The following PPFIBP2 variants were observed in gnomAD, a reference collection of about 807,000 sequenced individuals.
PPFIBP2 encodes the protein PPFIB scaffold protein 2.
PPFIBP2 carries 118 observed loss-of-function variants against 118.3 expected under a neutral mutation model. That is an observed-to-expected ratio of 1.00 (90% CI 0.86 to 1.16). The LOEUF is 1.16. Ranked by LOEUF, PPFIBP2 falls within the 50% of genes most tolerant of loss-of-function variation. The pLI is 0.00. For missense variants in PPFIBP2, 1,195 were observed against 1,073.1 expected, an observed-to-expected ratio of 1.11 and a Z score of -1.59; for synonymous variants, 414 against 397.4, an observed-to-expected ratio of 1.04 and a Z score of -0.50.
intron 5 of PPFIBP2, among the ~76,000 whole-genome samples, chr11:7,604,546 T>TAC (rs1183879395): frequency 7.0e-6 from 1 of 142,530 alleles, no homozygotes; most frequent in African/African-American, 2.6e-5. Flanking sequence ...CACCCAGCCA[T>TAC]ACACACACAC....
chr11:7,621,669 A>C (rs1849375811), intron 7 of PPFIBP2, among the ~76,000 whole-genome samples: 1 of 152,212 alleles, frequency 6.6e-6, no homozygotes, highest in African/African-American at 2.4e-5. Context: ...TTTGGCCTGC[A>C]CATTGGATTT....
intron 5 of PPFIBP2, among the ~76,000 whole-genome samples, chr11:7,604,828 C>G (rs182280712): frequency 4.6e-5 from 7 of 152,220 alleles, no homozygotes; most frequent in Admixed American, 4.6e-4. Flanking sequence ...TACTCAAAGG[C>G]AGTACAGAAG....
chr11:7,540,758 C>T (rs1055851012), intron 1 of PPFIBP2, among the ~76,000 whole-genome samples: 1 of 152,182 alleles, frequency 6.6e-6, no homozygotes, highest in African/African-American at 2.4e-5. Context: ...TCATTCCTTT[C>T]CTTCAGGATG....
At chr11:7,568,487 T>A (rs191148190) in intron 3 of PPFIBP2, among the ~76,000 whole-genome samples, 314 of 152,294 alleles carry the variant, frequency 2.1e-3, no homozygotes, top group African/African-American at 7.3e-3. Flanking sequence ...GGAGGGAAAC[T>A]CTCTGCAACC....
At chr11:7,649,262 A>G in intron 20 of PPFIBP2, 27 bp downstream of exon 20, 1 of 1,590,198 alleles carries the variant, frequency 6.3e-7, no homozygotes, top group South Asian at 1.1e-5. Context: ...TAAATATTTC[A>G]GTTGTCCCTG....
At chr11:7,604,603 C>G (rs1462176305) in intron 5 of PPFIBP2, among the ~76,000 whole-genome samples, 1 of 152,072 alleles carries the variant, frequency 6.6e-6, no homozygotes, top group Non-Finnish European at 1.5e-5. Flanking sequence ...CACACACACC[C>G]CCACACCCAT....
chr11:7,536,996 G>A (rs1851286810), intron 1 of PPFIBP2, among the ~76,000 whole-genome samples: 2 of 152,264 alleles, frequency 1.3e-5, no homozygotes, highest in South Asian at 4.1e-4. Flanking sequence ...GGCAGACCAT[G>A]GTTATACTTG....
At chr11:7,527,391 G>A (rs1043268809) in intron 1 of PPFIBP2, among the ~76,000 whole-genome samples, 5 of 152,018 alleles carry the variant, frequency 3.3e-5, no homozygotes, top group African/African-American at 1.2e-4. Flanking sequence ...TGGCCCATTG[G>A]ATCTGGGGAA....
intron 2 of PPFIBP2, among the ~76,000 whole-genome samples, chr11:7,559,949 T>C (rs894487355): frequency 8.7e-5 from 13 of 149,938 alleles, no homozygotes; most frequent in Non-Finnish European, 1.3e-4. Flanking sequence ...AAGAGTGTTA[T>C]CTTTTTCAGC....
At chr11:7,577,737 G>T in intron 3 of PPFIBP2, 1 of 450,564 alleles carries the variant, frequency 2.2e-6, no homozygotes. Flanking sequence ...GTGGTAGGGG[G>T]AGGTATTGTC....
intron 10 of PPFIBP2, 25 bp downstream of exon 10, chr11:7,629,559 T>C: frequency 6.2e-7 from 1 of 1,608,984 alleles, no homozygotes; most frequent in Non-Finnish European, 8.5e-7. Flanking sequence ...GATCCTACCG[T>C]TGTCTCTGAA....
intron 17 of PPFIBP2, among the ~76,000 whole-genome samples, chr11:7,644,744 T>A (rs1291706840): frequency 6.6e-6 from 1 of 152,084 alleles, no homozygotes; most frequent in Non-Finnish European, 1.5e-5. Context: ...AAAGGTATTT[T>A]AGGCCGGGCG....
At chr11:7,652,341 T>A (rs111473933) in intron 23 of PPFIBP2, among the ~76,000 whole-genome samples, 3 of 152,298 alleles carry the variant, frequency 2.0e-5, no homozygotes, top group African/African-American at 7.2e-5. Flanking sequence ...GCACCAACAC[T>A]ACTCACTGGG....
At chr11:7,535,137 T>C (rs1453856485) in intron 1 of PPFIBP2, among the ~76,000 whole-genome samples, 2 of 152,180 alleles carry the variant, frequency 1.3e-5, no homozygotes, top group African/African-American at 4.8e-5. Flanking sequence ...GAGAGGAAGT[T>C]AGTATCCTCC....
At chr11:7,596,389 GTTTT>G (rs58915783) in intron 4 of PPFIBP2, among the ~76,000 whole-genome samples, 2,756 of 139,184 alleles carry the variant, frequency 0.02, 110 homozygotes, top group African/African-American at 0.067. Flanking sequence ...GCCCGTTCTT[GTTTT>G]TTTTTTTTTT....
intron 14 of PPFIBP2, 28 bp from the exon 15 acceptor site, chr11:7,639,704 T>G (rs1565105496): frequency 6.2e-7 from 1 of 1,613,420 alleles, no homozygotes; most frequent in Non-Finnish European, 8.5e-7. Context: ...TAAGTCGGTA[T>G]CTCTCTCTTT....
intron 14 of PPFIBP2, 92 bp downstream of exon 14, chr11:7,635,685 T>C (rs547808532): frequency 7.2e-6 from 10 of 1,394,556 alleles, no homozygotes; most frequent in South Asian, 7.0e-5. Context: ...AACCTTAAAA[T>C]GTGCCAACTG....
At chr11:7,619,716 T>C (rs1849114674) in intron 6 of PPFIBP2, among the ~76,000 whole-genome samples, 2 of 152,186 alleles carry the variant, frequency 1.3e-5, no homozygotes, top group Admixed American at 6.5e-5. Flanking sequence ...TGGGGACGAA[T>C]TGCATACATA....
At chr11:7,647,364 T>C (rs1323263086) in intron 17 of PPFIBP2, among the ~76,000 whole-genome samples, 1 of 152,182 alleles carries the variant, frequency 6.6e-6, no homozygotes, top group Non-Finnish European at 1.5e-5. Context: ...TCTTTAAGAA[T>C]TGATGGCTTT....
Sources: gnomAD v4.1 joint callset for allele counts (sites outside exome capture counted in the v4.1 genomes callset) on GRCh38, gnomAD v4.1.1 for gene constraint, MANE v1.5 for transcripts, NCBI Gene and HGNC (gene_info 2026-07-23, HGNC 2026-07-21) for gene names.